COL15A1: variants seen among roughly 807,000 people sequenced by gnomAD.
COL15A1 encodes the protein collagen alpha-1(XV) chain.
In COL15A1, 111 loss-of-function variants were observed where a neutral mutation model predicts 165.9. That is an observed-to-expected ratio of 0.67 (90% CI 0.57 to 0.78). The LOEUF (loss-of-function observed/expected upper bound fraction) is 0.78. Ranked by LOEUF, COL15A1 falls within the 30% of genes least tolerant of loss-of-function variation. The pLI is 0.00. For missense variants in COL15A1, 1,745 were observed against 1,789.7 expected (o/e 0.98, Z 0.45); for synonymous variants, 659 against 674.8 (o/e 0.98, Z 0.36).
rs142873744 is a variant in COL15A1, at chr9:99,042,226, A to T, written c.2574+119A>T. The T allele has an allele frequency of 7.2e-4, 512 of 709,592 alleles. 3 individuals carry two copies. The African/African-American group carries it at 7.4e-3, about 10-fold the overall frequency. 44.0% of individuals were successfully genotyped at this position (709,592 alleles called of 1,614,324 possible). A position where few individuals can be genotyped will look rare whatever the true frequency, so the allele number is the denominator to read the frequency against. ...TTGAGATACAATTCACATGCCATAA[A>T]ATTCACCCCTTTAAATTGTACAATT... On this transcript the variant is annotated intron_variant, in intron 24 of 41. Transcript: ENST00000375001.
chr9:99,024,639 G>A (rs770704650), intron 14 of COL15A1, among the ~76,000 whole-genome samples: 1 of 152,142 alleles, frequency 6.6e-6, no homozygotes, highest in African/African-American at 2.4e-5. Context: ...AACACGATAT[G>A]ATGGGCTCAG....
Position 99,033,800 on chromosome 9 carries a change from G to T in COL15A1, c.2044-749G>T, listed in dbSNP as rs77379352. 8.2e-3 allele frequency among the ~76,000 whole-genome samples: 1,253 copies of T among 152,216 alleles called. 6 individuals are homozygous for T. Among genetic ancestry groups the T allele is most frequent in the Non-Finnish European group, 0.014 (950 of 68,008 alleles). On this transcript the variant is annotated intron_variant, in intron 16 of 41. Coordinates refer to ENST00000375001, the MANE Select transcript of COL15A1 (RefSeq NM_001855.5). ...CATGCAATTGCTGACTTCATCTCTT[G>T]CAGGTGCATTTGTGGTTTCCTCAGA...
chr9:99,059,445 CA>C (rs1445364444), intron 35 of COL15A1, among the ~76,000 whole-genome samples: 1 of 152,234 alleles, frequency 6.6e-6, no homozygotes, highest in Non-Finnish European at 1.5e-5. Context: ...ACTGTCACTG[CA>C]CCACCCTGGT....
intron 14 of COL15A1, among the ~76,000 whole-genome samples, chr9:99,024,399 C>T (rs939360027): frequency 1.3e-5 from 2 of 151,764 alleles, no homozygotes; most frequent in Admixed American, 6.6e-5. Context: ...ATTCTCCGGC[C>T]TCAGCCTCCC....
intron 2 of COL15A1, among the ~76,000 whole-genome samples, chr9:98,982,309 T>C (rs1446445834): frequency 6.6e-6 from 1 of 152,226 alleles, no homozygotes; most frequent in Non-Finnish European, 1.5e-5. Context: ...TATTTATCCA[T>C]TGTTTTTCAA....
chr9:99,023,912 T>A (rs1588520192), intron 14 of COL15A1, among the ~76,000 whole-genome samples: 1 of 152,180 alleles, frequency 6.6e-6, no homozygotes, highest in East Asian at 1.9e-4. Context: ...CCTCCCTGCC[T>A]CCCTCTCCAG....
chr9:99,001,282 T>G (rs965046271), intron 7 of COL15A1, among the ~76,000 whole-genome samples: 1 of 152,234 alleles, frequency 6.6e-6, no homozygotes, highest in Non-Finnish European at 1.5e-5. Flanking sequence ...TTGAGTCCCC[T>G]TCAAGACAGA....
intron 9 of COL15A1, among the ~76,000 whole-genome samples, chr9:99,011,634 C>T (rs945571658): frequency 6.6e-6 from 1 of 151,636 alleles, no homozygotes; most frequent in Non-Finnish European, 1.5e-5. Flanking sequence ...AAAAAACACA[C>T]TTTTTTTTAG....
chr9:99,047,946 C>G lies in COL15A1; in HGVS notation c.2739C>G (p.Arg913=). 1 of 1,609,398 alleles carries G rather than the reference C, an allele frequency of 6.2e-7. No homozygotes were observed. The highest frequency in any genetic ancestry group is 8.5e-7 in the Non-Finnish European group (1 of 1,176,330). Residue 913 remains arginine (R), a synonymous_variant, in exon 28 of 42, where the codon CGC becomes CGG. Transcript: ENST00000375001. ...GEFGLPGRPG[R]PGLNGLKGTK... is the part of the protein sequence containing the mutation. The stretch of plus-strand genomic sequence containing the variant: ...GTGTCTGCTGTGGGTTCCAGGGTCG[C>G]CCAGGACTGAATGGCCTCAAGGGTA...
At chr9:99,040,671 T>C in intron 23 of COL15A1, 115 bp downstream of exon 23, 3 of 1,574,924 alleles carry the variant, frequency 1.9e-6, no homozygotes, top group Non-Finnish European at 2.6e-6. Context: ...AGGGGCATCT[T>C]GTTCATTAAC....
intron 2 of COL15A1, among the ~76,000 whole-genome samples, chr9:98,972,608 C>A (rs145373784): frequency 6.6e-6 from 1 of 152,344 alleles, no homozygotes; most frequent in Non-Finnish European, 1.5e-5. Context: ...TGGCATGCAG[C>A]AAGCCTGCAG....
intron 2 of COL15A1, among the ~76,000 whole-genome samples, chr9:98,978,101 G>A (rs1838170814): frequency 6.6e-6 from 1 of 152,218 alleles, no homozygotes; most frequent in South Asian, 2.1e-4. Context: ...TCCTGGCTGT[G>A]CCTCCTGGCC....
chr9:99,017,037 G>C (rs1289403583), intron 11 of COL15A1, among the ~76,000 whole-genome samples: 3 of 152,186 alleles, frequency 2.0e-5, no homozygotes, highest in African/African-American at 7.2e-5. Flanking sequence ...GCATTCATTC[G>C]TTGATTCACT....
At chr9:99,044,533 G>A (rs769075782) in intron 24 of COL15A1, 35 bp from the exon 25 acceptor site, 98 of 1,608,450 alleles carry the variant, frequency 6.1e-5, no homozygotes, top group Non-Finnish European at 8.1e-5. Flanking sequence ...GCAAGGAGGA[G>A]TCCTGACTTC....
At chr9:99,032,831 G>T (rs1839229904) in intron 16 of COL15A1, among the ~76,000 whole-genome samples, 4 of 152,138 alleles carry the variant, frequency 2.6e-5, no homozygotes, top group African/African-American at 4.8e-5. Flanking sequence ...GCAGAGTTCT[G>T]CATTTCGACA....
chr9:98,991,588 A>G (rs1171264892), intron 5 of COL15A1, among the ~76,000 whole-genome samples: 2 of 152,132 alleles, frequency 1.3e-5, no homozygotes, highest in Non-Finnish European at 2.9e-5. Context: ...CCAAGTCCCC[A>G]CTAGATTAGC....
intron 5 of COL15A1, among the ~76,000 whole-genome samples, chr9:98,990,545 T>C (rs1032941252): frequency 6.6e-6 from 1 of 152,180 alleles, no homozygotes; most frequent in African/African-American, 2.4e-5. Context: ...GGCCTTCACA[T>C]CTGATGCTGC....
intron 13 of COL15A1, among the ~76,000 whole-genome samples, chr9:99,022,727 C>T (rs1171095091): frequency 6.6e-6 from 1 of 152,248 alleles, no homozygotes; most frequent in African/African-American, 2.4e-5. Context: ...GTGCTCAGTA[C>T]ACACACATTC....
In COL15A1 at chr9:98,987,604, G is replaced by A. The variant is rs113231561; in HGVS notation, c.723+236G>A. ...GTCAGGATCTTCCATGGCTGTGGCC[G>A]TCAATGGCCTGCTTTCCCGCCTTCT... On this transcript the variant is annotated intron_variant, in intron 4 of 41. Coordinates refer to ENST00000375001, the MANE Select transcript of COL15A1 (RefSeq NM_001855.5). Among the ~76,000 whole-genome samples the A allele has an allele frequency of 3.8e-4, 58 of 152,324 alleles. 1 individual carries two copies. The highest frequency in any genetic ancestry group is 1.3e-3 in the African/African-American group (53 of 41,564).
Sources: allele counts gnomAD v4.1 joint callset (sites outside exome capture counted in the v4.1 genomes callset), GRCh38; gene constraint gnomAD v4.1.1; transcripts MANE v1.5; gene names NCBI Gene and HGNC (gene_info 2026-07-23, HGNC 2026-07-21).